The following SASH1 variants were observed in gnomAD, a reference collection of about 807,000 sequenced individuals.
The protein encoded by SASH1 is SAM and SH3 domain-containing protein 1.
SASH1 carries 44 observed loss-of-function variants against 125.2 expected under a neutral mutation model. The observed-to-expected ratio is 0.35, with a 90% CI of 0.28 to 0.45. SASH1 has a LOEUF of 0.45. Among genes scored for constraint, SASH1 ranks in the 20% least tolerant of loss-of-function variants. SASH1 has a pLI of 1.00. For synonymous variants in SASH1, 639 were observed against 649.1 expected, an observed-to-expected ratio of 0.98 and a Z score of 0.24; for missense variants, 1,426 against 1,614.5, an observed-to-expected ratio of 0.88 and a Z score of 2.00.
the SASH1 span, among the ~76,000 whole-genome samples, chr6:148,237,364 T>A: frequency 6.6e-6 from 1 of 152,212 alleles, no homozygotes; most frequent in African/African-American, 2.4e-5. Flanking sequence ...ATGCATTCTG[T>A]TTATCTTTAA....
At position 148,353,248 on chromosome 6, in the gene SASH1, A is replaced by AT. The variant is rs575262636; in HGVS notation, c.156+10031dup. On this transcript the variant is annotated intron_variant, in intron 1 of 19. Transcript: ENST00000367467. ...ACGCTCAGCTTATTATATTTTTCTTATTTTTTCTAGCATTGGAGGGGTCTC... is the reference window on the plus strand; with the variant it reads ...ACGCTCAGCTTATTATATTTTTCTTATTTTTTTCTAGCATTGGAGGGGTCTC... Among the ~76,000 whole-genome samples the AT allele has an allele frequency of 3.0e-4, 45 of 150,420 alleles. No individual in the cohort carries two copies. In the South Asian group the frequency reaches 6.4e-3, roughly 21 times the overall value.
intron 12 of SASH1, among the ~76,000 whole-genome samples, 188 bp downstream of exon 12, chr6:148,527,784 T>G (rs1781271197): frequency 6.6e-6 from 1 of 152,232 alleles, no homozygotes; most frequent in Admixed American, 6.5e-5. Context: ...TTTGGGCTGC[T>G]CAGCACCGTG....
intron 10 of SASH1, among the ~76,000 whole-genome samples, chr6:148,523,665 C>G (rs1185476707): frequency 6.6e-6 from 1 of 152,162 alleles, no homozygotes; most frequent in Non-Finnish European, 1.5e-5. Context: ...ACCCCAATGG[C>G]CGTCTCTCAC....
chr6:148,330,979 TCTC>T (rs1218042887), intron 1 of SASH1, among the ~76,000 whole-genome samples: 3 of 152,160 alleles, frequency 2.0e-5, no homozygotes, highest in Admixed American at 6.5e-5. Flanking sequence ...CTTTTTTTCT[TCTC>T]CTAAGTGTCG....
At chr6:148,513,823 A>C in intron 8 of SASH1, 1 of 986,220 alleles carries the variant, frequency 1.0e-6, no homozygotes, top group Non-Finnish European at 1.2e-6. Flanking sequence ...GGCTGTTTGC[A>C]TCTCTTTCCC....
At chr6:148,241,269 G>A in the SASH1 span, among the ~76,000 whole-genome samples, 1 of 152,164 alleles carries the variant, frequency 6.6e-6, no homozygotes, top group African/African-American at 2.4e-5. Context: ...TCTCATCCAG[G>A]CTATGTAGTT....
At chr6:148,288,379 T>C (rs1390964267) in intron 1 of SASH1, among the ~76,000 whole-genome samples, 1 of 152,160 alleles carries the variant, frequency 6.6e-6, no homozygotes, top group Non-Finnish European at 1.5e-5. Context: ...TCTCCAAAGA[T>C]GTAGAATTTG....
intron 8 of SASH1, chr6:148,513,383 C>T (rs1435998170): frequency 2.5e-5 from 25 of 985,320 alleles, no homozygotes; most frequent in Non-Finnish European, 2.9e-5. Flanking sequence ...CCCACGCACC[C>T]GTGTTGCACA....
chr6:148,393,793 C>T (rs1305130320), intron 2 of SASH1: 6 of 872,144 alleles, frequency 6.9e-6, no homozygotes, highest in African/African-American at 1.8e-5. Context: ...TTGATGGGAG[C>T]TGATTCAAGC....
At chr6:148,514,647 A>AT (rs1388491214) in intron 9 of SASH1, among the ~76,000 whole-genome samples, 191 bp downstream of exon 9, 1 of 151,930 alleles carries the variant, frequency 6.6e-6, no homozygotes, top group Admixed American at 6.6e-5. Flanking sequence ...ATGTGATGGA[A>AT]TGAAGGGTCC....
At chr6:148,447,936 T>C (rs1776878699) in intron 4 of SASH1, among the ~76,000 whole-genome samples, 1 of 152,118 alleles carries the variant, frequency 6.6e-6, no homozygotes, top group Non-Finnish European at 1.5e-5. Flanking sequence ...ACTCTCACCA[T>C]TACCCCCCGC....
At chr6:148,296,639 C>A (rs1779773050) in intron 1 of SASH1, among the ~76,000 whole-genome samples, 1 of 152,194 alleles carries the variant, frequency 6.6e-6, no homozygotes, top group Non-Finnish European at 1.5e-5. Context: ...CTAAACGCTG[C>A]TCTGTCCGAC....
At chr6:148,439,304 A>G (rs1776444998) in intron 2 of SASH1, among the ~76,000 whole-genome samples, 1 of 152,202 alleles carries the variant, frequency 6.6e-6, no homozygotes, top group African/African-American at 2.4e-5. Flanking sequence ...TATTTCATTT[A>G]TCAACTCGAT....
Position 148,444,141 on chromosome 6 carries a change from C to T in SASH1, c.386+3734C>T, listed in dbSNP as rs560527054. ...AGCACTGCTCCTGCGACTCCTGCCTCGCAGATCCAGTCTCCCAGCTTGTCT... is the reference window on the plus strand; with the variant it reads ...AGCACTGCTCCTGCGACTCCTGCCTTGCAGATCCAGTCTCCCAGCTTGTCT... On this transcript the variant is annotated intron_variant, in intron 4 of 19. Transcript: ENST00000367467. Among the ~76,000 whole-genome samples the T allele has an allele frequency of 9.5e-4, 144 of 152,300 alleles. 5 individuals carry two copies. In the South Asian group the frequency reaches 0.028, roughly 30 times the overall value.
chr6:148,241,380 G>A, the SASH1 span, among the ~76,000 whole-genome samples: 1 of 152,076 alleles, frequency 6.6e-6, no homozygotes, highest in East Asian at 1.9e-4. Context: ...CAAGCAAGTG[G>A]GCACATACAA....
rs150131668 is a variant in SASH1 at position 148,546,458 on chromosome 6, C to T, written c.3480+312C>T. 1.3e-3 allele frequency among the ~76,000 whole-genome samples: 202 copies of T among 152,258 alleles called. 2 individuals are homozygous for T. The highest frequency in any genetic ancestry group is 4.7e-3 in the African/African-American group (196 of 41,552). On this transcript the variant is annotated intron_variant, in intron 19 of 19. Coordinates refer to ENST00000367467, the MANE Select transcript of SASH1 (RefSeq NM_015278.5). The stretch of plus-strand genomic sequence containing the variant: ...CAGAAGCAGGAGGATTGCTTGAGCC[C>T]AGAATTTTGATGCCGGCCTGGGCAA...
At chr6:148,474,274 T>C in intron 7 of SASH1, 52 bp downstream of exon 7, 1 of 1,180,158 alleles carries the variant, frequency 8.5e-7, no homozygotes, top group Non-Finnish European at 1.2e-6. Context: ...CTTTCTGAAG[T>C]GTAAAAATGT....
intron 1 of SASH1, among the ~76,000 whole-genome samples, chr6:148,359,406 C>T (rs1329046231): frequency 1.3e-5 from 2 of 150,720 alleles, no homozygotes; most frequent in Admixed American, 1.3e-4. Flanking sequence ...TTTCCAATAC[C>T]GTGCGCTCAT....
intron 1 of SASH1, among the ~76,000 whole-genome samples, chr6:148,365,838 C>T (rs184289326): frequency 1.4e-4 from 22 of 151,934 alleles, no homozygotes; most frequent in Non-Finnish European, 2.8e-4. Context: ...ATTAGCCGGG[C>T]AGGGTAGCTC....
Sources: allele counts gnomAD v4.1 joint callset (sites outside exome capture counted in the v4.1 genomes callset), GRCh38; gene constraint gnomAD v4.1.1; transcripts MANE v1.5; gene names NCBI Gene and HGNC (gene_info 2026-07-23, HGNC 2026-07-21).